Variants in MYCBP2 observed in about 807,000 individuals in gnomAD.
MYCBP2 encodes MYC binding protein 2.
In MYCBP2, 120 loss-of-function variants were observed where a neutral mutation model predicts 525.3. That is an observed-to-expected ratio of 0.23 (90% CI 0.20 to 0.27). The LOEUF (loss-of-function observed/expected upper bound fraction) is 0.27. Ranked by LOEUF, MYCBP2 falls within the 10% of genes least tolerant of loss-of-function variation. The pLI is 1.00. For synonymous variants in MYCBP2, 1,894 were observed against 1,955.8 expected (o/e 0.97, Z 0.83); for missense variants, 4,149 against 5,657.1 (o/e 0.73, Z 8.55).
Position 77,205,459 on chromosome 13 carries a change from C to T in MYCBP2, c.3715+14G>A, listed in dbSNP as rs750962864. 41 of 1,611,800 alleles carry T rather than the reference C, an allele frequency of 2.5e-5. No individual in the cohort carries two copies. The highest frequency in any genetic ancestry group is 7.7e-5 in the South Asian group (7 of 90,618). On this transcript the variant is annotated intron_variant, in intron 25 of 82. Coordinates refer to ENST00000544440, the MANE Select transcript of MYCBP2 (RefSeq NM_015057.5). The stretch of plus-strand genomic sequence containing the variant: ...AGTTGTAAGACAACATTTCCTAAAC[C>T]GAAGTATACATACTTTCAAACCTGT...
At chr13:77,177,712 A>G in intron 35 of MYCBP2, 36 bp downstream of exon 35, 1 of 1,508,508 alleles carries the variant, frequency 6.6e-7, no homozygotes, top group Non-Finnish European at 9.2e-7. Flanking sequence ...TACACAACCC[A>G]CTAATCAGGA....
Position 77,096,457 on chromosome 13 carries a change from T to C in MYCBP2, c.9809A>G (p.Gln3270Arg), listed in dbSNP as rs752281240. Residue 3270 changes from glutamine (Q) to arginine (R), a missense_variant, in exon 57 of 83, where the codon CAA becomes CGA. Gln to Arg is a conservative substitution (Grantham distance 43). Around this residue, in one of 21 missense-constraint regions of MYCBP2, gnomAD observed 26 missense variants for 48.2 expected, o/e 0.54. Transcript: ENST00000544440. ...HPGCGRYAGGQGYNSIGHFCG... is the reference protein window; with the variant it reads ...HPGCGRYAGGRGYNSIGHFCG... The stretch of plus-strand genomic sequence containing the variant: ...AAAATGCCCAATGCTATTGTAACCT[T>C]GTCCACCAGCATATCGGCCACAACC... 19 of 1,613,198 alleles carry C rather than the reference T, an allele frequency of 1.2e-5. No homozygotes were observed. The highest frequency in any genetic ancestry group is 1.5e-5 in the Non-Finnish European group (18 of 1,179,528).
At chr13:77,154,767 T>C (rs745996063) in intron 46 of MYCBP2, among the ~76,000 whole-genome samples, 2 of 152,090 alleles carry the variant, frequency 1.3e-5, no homozygotes, top group Non-Finnish European at 2.9e-5. Flanking sequence ...AAATCTGTCC[T>C]TGAGTAGTAA....
In MYCBP2 at chr13:77,126,360, A is replaced by G; in HGVS notation, c.7842T>C (p.Ile2614=). 6.2e-7 allele frequency: 1 copy of G among 1,613,896 alleles called. No individual in the cohort carries two copies. The highest frequency in any genetic ancestry group is 8.5e-7 in the Non-Finnish European group (1 of 1,179,822). The change falls in exon 53 of 83, where the codon ATT becomes ATC. Residue 2614 remains isoleucine, a synonymous_variant. Coordinates refer to ENST00000544440, the MANE Select transcript of MYCBP2 (RefSeq NM_015057.5). ...RSCPNLRGIP[I]GMLVLGNKVK... is the part of the protein sequence containing the mutation. ...CTTTGTTTCCCAGAACTAACATTCC[A>G]ATTGGGATACCTCTAAGGTTAGGGC...
intron 82 of MYCBP2, among the ~76,000 whole-genome samples, chr13:77,048,501 C>T (rs1185191591): frequency 6.6e-6 from 1 of 152,204 alleles, no homozygotes; most frequent in Non-Finnish European, 1.5e-5. Context: ...ATCTTCCCTA[C>T]TCACATCCCT....
intron 66 of MYCBP2, 115 bp downstream of exon 66, chr13:77,078,709 G>T: frequency 1.3e-6 from 1 of 788,854 alleles, no homozygotes; most frequent in Non-Finnish European, 2.2e-6. Context: ...TCTGTAAATA[G>T]ATAATTCCCT....
intron 3 of MYCBP2, among the ~76,000 whole-genome samples, chr13:77,287,546 G>C (rs2077008137): frequency 6.6e-6 from 1 of 151,982 alleles, no homozygotes; most frequent in Non-Finnish European, 1.5e-5. Context: ...GGTAAATAAG[G>C]GAGTAATATC....
chr13:77,177,998 T>C (rs2059869230), intron 34 of MYCBP2, 44 bp from the exon 35 acceptor site: 1 of 1,171,760 alleles, frequency 8.5e-7, no homozygotes. Flanking sequence ...GGTATACCTT[T>C]AACAAAACCA....
In MYCBP2 at chr13:77,180,146, G is replaced by A. The variant is rs150327506; in HGVS notation, c.5114C>T (p.Ala1705Val). The A allele has an allele frequency of 2.6e-4, 426 of 1,612,728 alleles. No individual in the cohort carries two copies. The highest frequency in any genetic ancestry group is 3.5e-4 in the Non-Finnish European group (408 of 1,179,022). The change falls in exon 34 of 83, where the codon GCG (alanine) becomes GTG (valine). Residue 1705 changes from alanine (A) to valine (V), a missense_variant. Physicochemically the swap from Ala to Val is moderately conservative, Grantham distance 64. Coordinates refer to ENST00000544440, the MANE Select transcript of MYCBP2 (RefSeq NM_015057.5). Reference protein sequence around the residue: ...LLASIVSELTASALGSEVDGL... With the variant: ...LLASIVSELTVSALGSEVDGL... Reference sequence around the variant, plus strand: ...TATTACCTCAGATCCCAGGGCTGACGCTGTCAGTTCACTGACAATGCTGGC... The same window carrying A: ...TATTACCTCAGATCCCAGGGCTGACACTGTCAGTTCACTGACAATGCTGGC...
At chr13:77,108,331 C>A (rs1160964588) in intron 55 of MYCBP2, among the ~76,000 whole-genome samples, 1 of 152,130 alleles carries the variant, frequency 6.6e-6, no homozygotes, top group Non-Finnish European at 1.5e-5. Context: ...AAAAGCGTAT[C>A]ATTTCAGGGT....
intron 27 of MYCBP2, among the ~76,000 whole-genome samples, chr13:77,193,115 T>C (rs775592131): frequency 7.9e-5 from 12 of 151,976 alleles, no homozygotes; most frequent in Non-Finnish European, 1.6e-4. Context: ...GGTGATGGAG[T>C]GAGACTCTGT....
At chr13:77,299,345 A>G (rs2078526908) in intron 1 of MYCBP2, among the ~76,000 whole-genome samples, 1 of 152,174 alleles carries the variant, frequency 6.6e-6, no homozygotes, top group South Asian at 2.1e-4. Context: ...ATTGGTTGTA[A>G]CAATTCTTAT....
intron 41 of MYCBP2, 100 bp from the exon 42 acceptor site, chr13:77,165,491 T>A: frequency 1.2e-6 from 1 of 861,082 alleles, no homozygotes; most frequent in Non-Finnish European, 1.8e-6. Flanking sequence ...ACAAGATAGG[T>A]AAAAACACAA....
rs779063275 is a variant in MYCBP2, at chr13:77,097,557, C to T, written c.9597G>A (p.Glu3199=). The T allele has an allele frequency of 6.8e-6, 11 of 1,612,904 alleles. No homozygotes were observed. Among genetic ancestry groups the T allele is most frequent in the Non-Finnish European group, 9.3e-6 (11 of 1,179,662 alleles). The change falls in exon 56 of 83, where the codon GAG becomes GAA. Residue 3199 remains glutamate (E), a synonymous_variant. Coordinates refer to ENST00000544440, the MANE Select transcript of MYCBP2 (RefSeq NM_015057.5). The part of the protein sequence containing the change: ...SCAVLKKKEC[E]KENKKSKKEK... Reference sequence around the variant, plus strand: ...CCTTTTTGGACTTCTTATTCTCTTTCTCACACTCTTTCTTTTTAAGAACTG... The same window carrying T: ...CCTTTTTGGACTTCTTATTCTCTTTTTCACACTCTTTCTTTTTAAGAACTG...
chr13:77,314,602 G>C (rs184623008), intron 1 of MYCBP2, among the ~76,000 whole-genome samples: 23 of 152,340 alleles, frequency 1.5e-4, no homozygotes, highest in Admixed American at 1.4e-3. Flanking sequence ...ACCTGGGGTT[G>C]AGTGGCAGAG....
intron 26 of MYCBP2, among the ~76,000 whole-genome samples, chr13:77,196,022 G>A (rs886831110): frequency 3.3e-5 from 5 of 152,214 alleles, no homozygotes; most frequent in Non-Finnish European, 5.9e-5. Flanking sequence ...CAAAGAATTG[G>A]GGGCTATTGG....
chr13:77,114,742 C>T (rs1278141798), intron 55 of MYCBP2, among the ~76,000 whole-genome samples: 2 of 151,850 alleles, frequency 1.3e-5, no homozygotes, highest in East Asian at 3.9e-4. Flanking sequence ...CTACTATGTA[C>T]CCATCAAAAT....
chr13:77,267,466 T>C (rs2074275251), intron 8 of MYCBP2, among the ~76,000 whole-genome samples: 1 of 151,660 alleles, frequency 6.6e-6, no homozygotes, highest in South Asian at 2.1e-4. Flanking sequence ...AAAACCCAAC[T>C]GCACTGTTGT....
rs373462099 is a variant in MYCBP2 at position 77,188,940 on chromosome 13, A to G, written c.4251+11T>C. ...AAGAGAAAAGCTGAAATTTTTTAAAACATGGCTTACCACTGAGACAGTTCT... is the reference window on the plus strand; with the variant it reads ...AAGAGAAAAGCTGAAATTTTTTAAAGCATGGCTTACCACTGAGACAGTTCT... On this transcript the variant is annotated intron_variant, in intron 30 of 82. Transcript: ENST00000544440. 6 of 1,578,158 alleles carry G rather than the reference A, an allele frequency of 3.8e-6. No homozygotes were observed. The highest frequency in any genetic ancestry group is 5.1e-6 in the Non-Finnish European group (6 of 1,166,298).
Sources: allele counts gnomAD v4.1 joint callset (sites outside exome capture counted in the v4.1 genomes callset), GRCh38; gene constraint gnomAD v4.1.1; regional missense constraint gnomAD v4.1.1; transcripts MANE v1.5; gene names NCBI Gene and HGNC (gene_info 2026-07-23, HGNC 2026-07-21).